PTPRD: variants seen among roughly 807,000 people sequenced by gnomAD.
PTPRD encodes receptor-type tyrosine-protein phosphatase delta.
In PTPRD, 34 loss-of-function variants were observed where a neutral mutation model predicts 214.5. The observed-to-expected ratio is 0.16, with a 90% CI of 0.12 to 0.21. The LOEUF (loss-of-function observed/expected upper bound fraction) is 0.21. PTPRD is among the 10% of genes least tolerant of loss of function. The pLI is 1.00. For missense variants in PTPRD, 2,545 were observed against 2,398.7 expected (o/e 1.06, Z -1.27); for synonymous variants, 1,128 against 845.7 (o/e 1.33, Z -5.79).
chr9:8,766,513 T>A (rs1386152978), intron 11 of PTPRD, among the ~76,000 whole-genome samples: 2 of 152,170 alleles, frequency 1.3e-5, no homozygotes, highest in Non-Finnish European at 2.9e-5. Context: ...TAAAAATTAC[T>A]ATCAAATAGA....
intron 2 of PTPRD, among the ~76,000 whole-genome samples, chr9:10,418,625 C>T (rs866571455): frequency 9.9e-5 from 15 of 151,772 alleles, no homozygotes; most frequent in African/African-American, 3.1e-4. Context: ...CACTTCCACC[C>T]TAGAATATTC....
intron 14 of PTPRD, among the ~76,000 whole-genome samples, chr9:8,584,672 C>A (rs1309837074): frequency 1.3e-5 from 2 of 152,058 alleles, no homozygotes; most frequent in African/African-American, 4.8e-5. Context: ...CCAGCATTTC[C>A]TAATAAGTTG....
At chr9:8,583,901 C>T (rs934942380) in intron 14 of PTPRD, among the ~76,000 whole-genome samples, 7 of 152,168 alleles carry the variant, frequency 4.6e-5, no homozygotes, top group Admixed American at 6.5e-5. Context: ...CCTGTAATCT[C>T]AGCATTTTGG....
intron 2 of PTPRD, among the ~76,000 whole-genome samples, chr9:10,367,129 G>A (rs1381158392): frequency 6.7e-6 from 1 of 149,526 alleles, no homozygotes; most frequent in African/African-American, 2.5e-5. Context: ...CCTCTTGATA[G>A]ATACAGGTTT....
intron 9 of PTPRD, among the ~76,000 whole-genome samples, chr9:9,265,738 A>C (rs990615092): frequency 1.3e-5 from 2 of 151,408 alleles, no homozygotes; most frequent in Non-Finnish European, 3.0e-5. Context: ...GAAAAGACTC[A>C]AAGCACACCA....
intron 12 of PTPRD, among the ~76,000 whole-genome samples, chr9:8,673,255 T>C (rs556065296): frequency 2.0e-4 from 31 of 152,214 alleles, no homozygotes; most frequent in African/African-American, 6.3e-4. Context: ...GAAACGTAAG[T>C]AGAAATTGCA....
chr9:8,439,836 T>C lies in PTPRD; in HGVS notation c.3989-3147A>G, dbSNP rs548817000. Among the ~76,000 whole-genome samples the C allele has an allele frequency of 2.6e-4, 40 of 152,210 alleles. 1 individual carries two copies. In the South Asian group the frequency reaches 7.9e-3, roughly 30 times the overall value. Reference sequence around the variant, plus strand: ...TGAATTTGACCTCACTGTGGTACCTTTTCAATGTTTTGTCTGGCAACCTGA... The same window carrying C: ...TGAATTTGACCTCACTGTGGTACCTCTTCAATGTTTTGTCTGGCAACCTGA... On this transcript the variant is annotated intron_variant, in intron 34 of 45. Transcript: ENST00000381196.
chr9:9,726,334 G>A (rs1184469627), intron 7 of PTPRD, among the ~76,000 whole-genome samples: 1 of 152,120 alleles, frequency 6.6e-6, no homozygotes, highest in Non-Finnish European at 1.5e-5. Context: ...GCTGTAAGGG[G>A]TATCTCAGAA....
intron 11 of PTPRD, among the ~76,000 whole-genome samples, chr9:9,018,202 G>A (rs985090057): frequency 2.0e-5 from 3 of 152,004 alleles, no homozygotes; most frequent in African/African-American, 7.2e-5. Context: ...CTATTGGGTG[G>A]TTGTTGTATT....
intron 8 of PTPRD, among the ~76,000 whole-genome samples, chr9:9,553,148 G>C (rs779523629): frequency 6.6e-6 from 1 of 151,932 alleles, no homozygotes; most frequent in East Asian, 1.9e-4. Flanking sequence ...TACTGCAGTC[G>C]CCTGCTCCTA....
intron 10 of PTPRD, among the ~76,000 whole-genome samples, chr9:9,171,569 C>T (rs1420953245): frequency 6.6e-6 from 1 of 151,712 alleles, no homozygotes; most frequent in Non-Finnish European, 1.5e-5. Flanking sequence ...TTGGAGGAAA[C>T]AATCATGAAT....
intron 10 of PTPRD, among the ~76,000 whole-genome samples, chr9:9,157,488 A>T (rs760237870): frequency 6.6e-6 from 1 of 152,164 alleles, no homozygotes; most frequent in Non-Finnish European, 1.5e-5. Context: ...ACTATGAACA[A>T]CTGTATGTCA....
chr9:9,844,100 T>G (rs546502775), intron 5 of PTPRD, among the ~76,000 whole-genome samples: 1 of 152,210 alleles, frequency 6.6e-6, no homozygotes, highest in Non-Finnish European at 1.5e-5. Flanking sequence ...TAAAATCCTA[T>G]ATTCTTAATG....
intron 9 of PTPRD, among the ~76,000 whole-genome samples, chr9:9,299,575 T>C (rs1954459049): frequency 6.6e-6 from 1 of 151,758 alleles, no homozygotes; most frequent in Non-Finnish European, 1.5e-5. Flanking sequence ...TATTTATAAC[T>C]CTCAAAAGGG....
intron 14 of PTPRD, among the ~76,000 whole-genome samples, chr9:8,603,698 A>C (rs1022180327): frequency 2.0e-5 from 3 of 152,218 alleles, no homozygotes; most frequent in African/African-American, 7.2e-5. Flanking sequence ...AGTTGATGAA[A>C]AGTACATGTC....
At chr9:8,722,534 A>C (rs2098512253) in intron 12 of PTPRD, among the ~76,000 whole-genome samples, 1 of 152,178 alleles carries the variant, frequency 6.6e-6, no homozygotes, top group Admixed American at 6.5e-5. Context: ...GTTTACCAGG[A>C]AATATTTTAT....
In PTPRD at chr9:9,036,091, C is replaced by T. The variant is rs559858227; in HGVS notation, c.-142-17356G>A. 1.4e-3 allele frequency among the ~76,000 whole-genome samples: 206 copies of T among 152,004 alleles called. 1 individual carries two copies. Among genetic ancestry groups the T allele is most frequent in the African/African-American group, 4.7e-3 (193 of 41,478 alleles). Reference sequence around the variant, plus strand: ...AGATTTAAGACTTTCAACTGACTGACTCACTAATAAAGATTATTCTCCTTT... The same window carrying T: ...AGATTTAAGACTTTCAACTGACTGATTCACTAATAAAGATTATTCTCCTTT... On this transcript the variant is annotated intron_variant, in intron 10 of 45. Coordinates refer to ENST00000381196, the MANE Select transcript of PTPRD (RefSeq NM_002839.4).
At chr9:9,176,367 A>T (rs1207054079) in intron 10 of PTPRD, among the ~76,000 whole-genome samples, 2 of 152,194 alleles carry the variant, frequency 1.3e-5, no homozygotes, top group African/African-American at 2.4e-5. Flanking sequence ...GTCTCTATCT[A>T]TATAGTTCTA....
chr9:10,541,893 C>G (rs554280286), intron 2 of PTPRD, among the ~76,000 whole-genome samples: 1 of 151,904 alleles, frequency 6.6e-6, no homozygotes, highest in African/African-American at 2.4e-5. Flanking sequence ...CAACTTTCAT[C>G]AATTATTTGA....
Sources: allele counts gnomAD v4.1 joint callset (sites outside exome capture counted in the v4.1 genomes callset), GRCh38; gene constraint gnomAD v4.1.1; transcripts MANE v1.5; gene names NCBI Gene and HGNC (gene_info 2026-07-23, HGNC 2026-07-21).